Variants in SLC25A37 observed in about 807,000 individuals in gnomAD.
The protein encoded by SLC25A37 is mitoferrin-1.
SLC25A37 carries 17 observed loss-of-function variants against 31.0 expected under a neutral mutation model. The ratio of observed to expected loss-of-function variants is 0.55; its 90% CI spans 0.38 to 0.82. SLC25A37 has a LOEUF of 0.82. Among genes scored for constraint, SLC25A37 ranks in the 40% least tolerant of loss-of-function variants. The pLI is 0.00. For synonymous variants in SLC25A37, 222 were observed against 193.0 expected (o/e 1.15, Z -1.24); for missense variants, 404 against 465.8 (o/e 0.87, Z 1.22).
chr8:23,549,355 G>C (rs1173662109), intron 1 of SLC25A37, among the ~76,000 whole-genome samples: 4 of 152,138 alleles, frequency 2.6e-5, no homozygotes, highest in African/African-American at 9.7e-5. Flanking sequence ...CGGAGCTCTT[G>C]GTTCCAGGGA....
At chr8:23,550,418 G>A (rs1802192390) in intron 1 of SLC25A37, among the ~76,000 whole-genome samples, 1 of 152,228 alleles carries the variant, frequency 6.6e-6, no homozygotes, top group Non-Finnish European at 1.5e-5. Context: ...GTGGAGGAAT[G>A]AGCAAGAGGA....
intron 1 of SLC25A37, among the ~76,000 whole-genome samples, chr8:23,545,921 G>A (rs1358405523): frequency 6.6e-6 from 1 of 152,150 alleles, no homozygotes; most frequent in Non-Finnish European, 1.5e-5. Flanking sequence ...TGGATCACGA[G>A]GTCAGAAGTT....
At chr8:23,530,144 CT>C (rs1346324191) in intron 1 of SLC25A37, among the ~76,000 whole-genome samples, 1 of 152,190 alleles carries the variant, frequency 6.6e-6, no homozygotes, top group African/African-American at 2.4e-5. Flanking sequence ...ACACGTTGCA[CT>C]TTTATAGGCA....
intron 1 of SLC25A37, among the ~76,000 whole-genome samples, chr8:23,565,170 T>C (rs1157904632): frequency 1.3e-5 from 2 of 152,162 alleles, no homozygotes; most frequent in Non-Finnish European, 2.9e-5. Flanking sequence ...AGTATACAGG[T>C]TAATCTACTT....
At chr8:23,550,181 CAAAA>C (rs67552053) in intron 1 of SLC25A37, among the ~76,000 whole-genome samples, 22 of 68,714 alleles carry the variant, frequency 3.2e-4, no homozygotes, top group South Asian at 1.4e-3. Flanking sequence ...AATTCCGTTT[CAAAA>C]AAAAAAAAAA....
At chr8:23,549,582 G>T (rs770418976) in intron 1 of SLC25A37, among the ~76,000 whole-genome samples, 1 of 152,210 alleles carries the variant, frequency 6.6e-6, no homozygotes, top group Non-Finnish European at 1.5e-5. Flanking sequence ...CGGCAAGCCT[G>T]GTGCATCTGG....
At chr8:23,545,621 G>A (rs182706873) in intron 1 of SLC25A37, among the ~76,000 whole-genome samples, 80 of 152,330 alleles carry the variant, frequency 5.3e-4, no homozygotes, top group African/African-American at 1.7e-3. Context: ...GAAGGAGCAC[G>A]TGTGTGGGCC....
chr8:23,559,060 G>T (rs571847116), intron 1 of SLC25A37, among the ~76,000 whole-genome samples: 19 of 152,306 alleles, frequency 1.2e-4, no homozygotes, highest in Middle Eastern at 3.4e-3. Flanking sequence ...ACGTGTGTTT[G>T]GTCAGGTGTC....
rs1230960445 is a variant in SLC25A37 at position 23,529,576 on chromosome 8, G to T, written c.210+364G>T. 6.6e-6 allele frequency among the ~76,000 whole-genome samples: 1 copy of T among 152,184 alleles called. No homozygotes were observed. The highest frequency in any genetic ancestry group is 2.4e-5 in the African/African-American group (1 of 41,458). On this transcript the variant is annotated intron_variant, in intron 1 of 3. Transcript: ENST00000519973. This position sits in a 1 kb window ranked among gnomAD's most constrained non-coding sequence, Gnocchi z 4.1. ...TCTGCACAGTCTTACCACGCTGGCCGTTCGGGCTGGCTGGGGCCGCCCACA... is the reference window on the plus strand; with the variant it reads ...TCTGCACAGTCTTACCACGCTGGCCTTTCGGGCTGGCTGGGGCCGCCCACA...
At chr8:23,553,760 C>T (rs1258654055) in intron 1 of SLC25A37, among the ~76,000 whole-genome samples, 1 of 152,226 alleles carries the variant, frequency 6.6e-6, no homozygotes, top group African/African-American at 2.4e-5. Context: ...ATTGCCCAGT[C>T]TTGTGATGAC....
rs183718850 is a variant in SLC25A37, at chr8:23,535,775, A to G, written c.210+6563A>G. ...AGGCACATCTTACATGGTAACAGAC[A>G]AGAAAGAGGACAGAACCCAGTGAAA... On this transcript the variant is annotated intron_variant, in intron 1 of 3. Coordinates refer to ENST00000519973, the MANE Select transcript of SLC25A37 (RefSeq NM_016612.4). 5.3e-5 allele frequency among the ~76,000 whole-genome samples: 8 copies of G among 152,338 alleles called. No homozygotes were observed. In the East Asian group the frequency reaches 1.3e-3, roughly 26 times the overall value.
chr8:23,546,571 T>C (rs1348277184), intron 1 of SLC25A37, among the ~76,000 whole-genome samples: 3 of 91,850 alleles, frequency 3.3e-5, no homozygotes, highest in Non-Finnish European at 5.8e-5. Context: ...TATATATATA[T>C]ATATATATAT....
chr8:23,550,180 TCA>T (rs1491246529), intron 1 of SLC25A37, among the ~76,000 whole-genome samples: 4 of 68,090 alleles, frequency 5.9e-5, no homozygotes, highest in Non-Finnish European at 7.6e-5. Context: ...AAATTCCGTT[TCA>T]AAAAAAAAAA....
chr8:23,552,449 C>T lies in SLC25A37; in HGVS notation c.211-13659C>T, dbSNP rs555360253. Among the ~76,000 whole-genome samples the T allele has an allele frequency of 1.3e-3, 204 of 152,262 alleles. 1 individual carries two copies. The highest frequency in any genetic ancestry group is 4.6e-3 in the African/African-American group (189 of 41,532). ...GGTGGAAACCGGGGTTGTCTTTGTG[C>T]TCTCAGGCATGTGGCTGGCGTGGGG... On this transcript the variant is annotated intron_variant, in intron 1 of 3. Transcript: ENST00000519973.
chr8:23,535,961 G>A (rs759803088), intron 1 of SLC25A37, among the ~76,000 whole-genome samples: 17 of 152,162 alleles, frequency 1.1e-4, no homozygotes, highest in Non-Finnish European at 2.4e-4. Flanking sequence ...AGATTTGAGT[G>A]GGGACGCAGC....
chr8:23,560,876 C>T (rs549132796), intron 1 of SLC25A37, among the ~76,000 whole-genome samples: 9 of 151,896 alleles, frequency 5.9e-5, no homozygotes, highest in East Asian at 1.9e-4. Context: ...GCTCTGGTAA[C>T]GTCAGTATTT....
chr8:23,566,434 G>T, intron 2 of SLC25A37, 98 bp downstream of exon 2: 2 of 1,497,552 alleles, frequency 1.3e-6, no homozygotes, highest in South Asian at 1.4e-5. Context: ...CTCGACTTCG[G>T]CCCGCTTGCT....
In SLC25A37 at chr8:23,542,678, C is replaced by CT. The variant is rs35952455; in HGVS notation, c.210+13486dup. ...ACAGGTGTGAGCCACCGCCCCTGGCCTTTTTTTTTTTTTTTTTTTTAAGTT... is the reference window on the plus strand; with the variant it reads ...ACAGGTGTGAGCCACCGCCCCTGGCCTTTTTTTTTTTTTTTTTTTTTAAGTT... On this transcript the variant is annotated intron_variant, in intron 1 of 3. Transcript: ENST00000519973. Among the ~76,000 whole-genome samples the CT allele has an allele frequency of 8.2e-4, 76 of 93,082 alleles. 3 individuals carry two copies. Among genetic ancestry groups the CT allele is most frequent in the South Asian group, 6.0e-3 (15 of 2,506 alleles). 61.1% of individuals were successfully genotyped at this position (93,082 alleles called of 152,430 possible). A position where few individuals can be genotyped will look rare whatever the true frequency, so the allele number is the denominator to read the frequency against.
intron 1 of SLC25A37, among the ~76,000 whole-genome samples, chr8:23,541,111 C>A (rs1431129406): frequency 6.6e-6 from 1 of 152,178 alleles, no homozygotes; most frequent in African/African-American, 2.4e-5. Flanking sequence ...GCCCATTTGG[C>A]TGGCTAATGA....
Sources: gnomAD v4.1 joint callset for allele counts (sites outside exome capture counted in the v4.1 genomes callset) on GRCh38, gnomAD v4.1.1 for gene constraint, Gnocchi (gnomAD v3.1) non-coding constraint, MANE v1.5 for transcripts, NCBI Gene and HGNC (gene_info 2026-07-23, HGNC 2026-07-21) for gene names.